The following NACC2 variants were observed in gnomAD, a reference collection of about 807,000 sequenced individuals.
NACC2 encodes nucleus accumbens-associated protein 2.
Under a neutral mutation model 25.1 loss-of-function variants are expected in NACC2, and 8 were observed. That is an observed-to-expected ratio of 0.32 (90% CI 0.19 to 0.57). NACC2 has a LOEUF of 0.57. Ranked by LOEUF, NACC2 falls within the 20% of genes least tolerant of loss-of-function variation. The pLI is 0.89. For synonymous variants in NACC2, 435 were observed against 294.7 expected, an observed-to-expected ratio of 1.48 and a Z score of -4.88; for missense variants, 644 against 650.2, an observed-to-expected ratio of 0.99 and a Z score of 0.10.
intron 2 of NACC2, among the ~76,000 whole-genome samples, chr9:136,025,663 C>T (rs528030369): frequency 4.0e-5 from 6 of 151,478 alleles, no homozygotes; most frequent in South Asian, 2.1e-4. Context: ...CCTGTAATCC[C>T]GGCACTCTGG....
At chr9:136,074,976 G>A (rs370706352) in intron 1 of NACC2, among the ~76,000 whole-genome samples, 15 of 152,192 alleles carry the variant, frequency 9.9e-5, no homozygotes, top group African/African-American at 2.4e-4. Context: ...ACTCACTGTC[G>A]CGTATGGGGC....
intron 1 of NACC2, among the ~76,000 whole-genome samples, chr9:136,060,361 C>T (rs551513910): frequency 3.9e-5 from 6 of 152,332 alleles, no homozygotes; most frequent in Non-Finnish European, 5.9e-5. Context: ...GCCTTTAAGC[C>T]GGGGCCATAA....
In NACC2 at chr9:136,013,091, G is replaced by GTGTGATCTCGGCTC. The variant is rs1840137400; in HGVS notation, c.1255+107_1255+108insGAGCCGAGATCACA. On this transcript the variant is annotated intron_variant, in intron 5 of 5. Transcript: ENST00000277554. The surrounding 1 kb of genome is among the most constrained non-coding windows in gnomAD (Gnocchi z 6.6). The stretch of plus-strand genomic sequence containing the variant: ...AGACCATGCTCGGCCCCCAGGGACG[G>GTGTGATCTCGGCTC]AAGCTGCAGGTGGCCGGGAGCACCC... The GTGTGATCTCGGCTC allele has an allele frequency of 1.2e-6, 1 of 865,742 alleles. No homozygotes were observed. Among genetic ancestry groups the GTGTGATCTCGGCTC allele is most frequent in the East Asian group, 2.6e-5 (1 of 39,016 alleles). The allele number at this position is 865,742 out of a possible 1,614,324, so 53.6% of individuals were successfully genotyped here. A position where few individuals can be genotyped will look rare whatever the true frequency, so the allele number is the denominator to read the frequency against.
intron 1 of NACC2, among the ~76,000 whole-genome samples, chr9:136,070,351 C>CA (rs1295971081): frequency 6.7e-6 from 1 of 149,982 alleles, no homozygotes; most frequent in Non-Finnish European, 1.5e-5. Flanking sequence ...ACTAAAAATG[C>CA]AAAAAAATTA....
chr9:136,063,485 C>T (rs1207959307), intron 1 of NACC2, among the ~76,000 whole-genome samples: 2 of 152,240 alleles, frequency 1.3e-5, no homozygotes, highest in Admixed American at 1.3e-4. Context: ...GCCGAGCCTG[C>T]AAGTTCTCTG....
chr9:136,039,923 A>G (rs1404020118), intron 2 of NACC2, among the ~76,000 whole-genome samples: 3 of 152,198 alleles, frequency 2.0e-5, no homozygotes, highest in Non-Finnish European at 4.4e-5. Flanking sequence ...AAACTGCAGT[A>G]AAACTGTCTT....
intron 1 of NACC2, among the ~76,000 whole-genome samples, chr9:136,063,963 C>T (rs2131173049): frequency 6.6e-6 from 1 of 151,678 alleles, no homozygotes; most frequent in South Asian, 2.1e-4. Context: ...TGCAACTTTA[C>T]AAATCTAACA....
At chr9:136,076,648 C>T (rs1366579851) in intron 1 of NACC2, among the ~76,000 whole-genome samples, 1 of 152,166 alleles carries the variant, frequency 6.6e-6, no homozygotes, top group Non-Finnish European at 1.5e-5. Flanking sequence ...CTTACTGCCA[C>T]TGAACTGTGC....
Position 136,013,407 on chromosome 9 carries a change from C to A in NACC2, c.1158-111G>T. The A allele has an allele frequency of 1.0e-6, 1 of 955,964 alleles. No individual in the cohort carries two copies. The highest frequency in any genetic ancestry group is 1.6e-6 in the Non-Finnish European group (1 of 625,080). 59.2% of individuals were successfully genotyped at this position (955,964 alleles called of 1,614,324 possible). ...GGAGGCCACTTGGCCTCACCCTTGGCTGGTCTGCGTGTGTCCCAGTGGCAG... is the reference window on the plus strand; with the variant it reads ...GGAGGCCACTTGGCCTCACCCTTGGATGGTCTGCGTGTGTCCCAGTGGCAG... On this transcript the variant is annotated intron_variant, in intron 4 of 5. Transcript: ENST00000277554. This position sits in a 1 kb window ranked among gnomAD's most constrained non-coding sequence, Gnocchi z 6.6.
intron 2 of NACC2, among the ~76,000 whole-genome samples, chr9:136,017,972 G>A (rs974254088): frequency 3.9e-5 from 6 of 152,190 alleles, no homozygotes; most frequent in Admixed American, 3.3e-4. Context: ...CGAGGGCACG[G>A]CATGGTCCCC....
At chr9:136,090,692 TTTTA>T (rs1330633100) in intron 1 of NACC2, among the ~76,000 whole-genome samples, 1 of 152,190 alleles carries the variant, frequency 6.6e-6, no homozygotes, top group African/African-American at 2.4e-5. Context: ...CTGGGGGGAC[TTTTA>T]TTTTCAATCA....
At chr9:136,075,649 G>A (rs1293331516) in intron 1 of NACC2, among the ~76,000 whole-genome samples, 2 of 152,246 alleles carry the variant, frequency 1.3e-5, no homozygotes, top group East Asian at 1.9e-4. Context: ...GCCCCCTCAG[G>A]AAACCTGTGC....
intron 1 of NACC2, among the ~76,000 whole-genome samples, chr9:136,080,977 G>A (rs1434207293): frequency 6.6e-6 from 1 of 152,122 alleles, no homozygotes; most frequent in South Asian, 2.1e-4. Flanking sequence ...CCCTCCCGCT[G>A]TCTCCCACCC....
chr9:136,048,562 A>G lies in NACC2; in HGVS notation c.886+1074T>C, dbSNP rs1031040900. Among the ~76,000 whole-genome samples the G allele has an allele frequency of 3.9e-3, 593 of 152,356 alleles. 4 individuals carry two copies. Among genetic ancestry groups the G allele is most frequent in the African/African-American group, 0.014 (566 of 41,582 alleles). On this transcript the variant is annotated intron_variant, in intron 2 of 5. Coordinates refer to ENST00000277554, the MANE Select transcript of NACC2 (RefSeq NM_144653.5). Reference sequence around the variant, plus strand: ...GATTCATGCAAACACAGCAATATACATTTAAACCAAGTGCGGAGTTCTCAG... The same window carrying G: ...GATTCATGCAAACACAGCAATATACGTTTAAACCAAGTGCGGAGTTCTCAG...
rs1840308575 is a variant in NACC2, at chr9:136,022,631, G to T, written c.887-6202C>A. Among the ~76,000 whole-genome samples, 1 of 152,134 alleles carries T rather than the reference G, an allele frequency of 6.6e-6. No homozygotes were observed. Among genetic ancestry groups the T allele is most frequent in the South Asian group, 2.1e-4 (1 of 4,816 alleles). On this transcript the variant is annotated intron_variant, in intron 2 of 5. Coordinates refer to ENST00000277554, the MANE Select transcript of NACC2 (RefSeq NM_144653.5). This position sits in a 1 kb window ranked among gnomAD's most constrained non-coding sequence, Gnocchi z 4.4. ...TGGGTCCAGTGCTTCTGGCAGTGAG[G>T]GGGGCTCACCCTGCTGGTCAGTGTC... is the stretch of plus-strand genomic sequence containing the variant.
chr9:136,055,869 A>G lies in NACC2; in HGVS notation c.-59-5289T>C, dbSNP rs1840916696. On this transcript the variant is annotated intron_variant, in intron 1 of 5. Coordinates refer to ENST00000277554, the MANE Select transcript of NACC2 (RefSeq NM_144653.5). This position sits in a 1 kb window ranked among gnomAD's most constrained non-coding sequence, Gnocchi z 4.9. ...AGTGAGGACATCTCCTAAAAGGTCA[A>G]TCGAAGGCGCTCCTGGAGCGTGAGA... Among the ~76,000 whole-genome samples the G allele has an allele frequency of 6.6e-6, 1 of 152,142 alleles. No homozygotes were observed. The highest frequency in any genetic ancestry group is 2.4e-5 in the African/African-American group (1 of 41,412).
chr9:136,046,490 G>A (rs1248002552), intron 2 of NACC2, among the ~76,000 whole-genome samples: 7 of 152,186 alleles, frequency 4.6e-5, no homozygotes, highest in African/African-American at 1.4e-4. Flanking sequence ...CCAGGAGGGC[G>A]CCCTGAAGTG....
chr9:136,075,305 C>T (rs4384058), intron 1 of NACC2, among the ~76,000 whole-genome samples: 5,122 of 152,314 alleles, frequency 0.034, 127 homozygotes, highest in Admixed American at 0.054. Context: ...TGGCTGCGGC[C>T]GCCTGGCTGG....
intron 2 of NACC2, among the ~76,000 whole-genome samples, chr9:136,033,855 A>T (rs1386353643): frequency 6.6e-6 from 1 of 151,180 alleles, no homozygotes; most frequent in Admixed American, 6.6e-5. Context: ...ACCCCGCATC[A>T]GTCAAAAGAA....
Sources: gnomAD v4.1 joint callset for allele counts (sites outside exome capture counted in the v4.1 genomes callset) on GRCh38, gnomAD v4.1.1 for gene constraint, Gnocchi (gnomAD v3.1) non-coding constraint, MANE v1.5 for transcripts, NCBI Gene and HGNC (gene_info 2026-07-23, HGNC 2026-07-21) for gene names.